WASHC2A: variants seen among roughly 807,000 people sequenced by gnomAD.
The protein encoded by WASHC2A is WASH complex subunit FAM21A.
WASHC2A carries 82 observed loss-of-function variants against 140.3 expected under a neutral mutation model. The observed-to-expected ratio is 0.58, with a 90% CI of 0.49 to 0.70. The LOEUF (loss-of-function observed/expected upper bound fraction) is 0.70. Among genes scored for constraint, WASHC2A ranks in the 30% least tolerant of loss-of-function variants. The probability of loss-of-function intolerance (pLI) is 0.00; values close to 1 mark genes in which losing one functional copy is unlikely to be tolerated. For missense variants in WASHC2A, 985 were observed against 1,521.8 expected (o/e 0.65, Z 5.87); for synonymous variants, 340 against 560.8 (o/e 0.61, Z 5.56).
chr10:50,088,131 A>C (rs1299998341), intron 8 of WASHC2A, among the ~76,000 whole-genome samples: 3 of 151,706 alleles, frequency 2.0e-5, no homozygotes, highest in African/African-American at 7.2e-5. Flanking sequence ...CTTATTTTGA[A>C]TAGCCTTTGC....
Position 50,069,704 on chromosome 10 carries a change from T to C in WASHC2A, c.284T>C (p.Ile95Thr). 6.2e-7 allele frequency: 1 copy of C among 1,612,198 alleles called. No homozygotes were observed. The highest frequency in any genetic ancestry group is 8.5e-7 in the Non-Finnish European group (1 of 1,179,386). Residue 95 changes from isoleucine (I) to threonine (T), a missense_variant, in exon 3 of 31, where the codon ATT (isoleucine) becomes ACT (threonine). Ile to Thr is a moderately conservative substitution (Grantham distance 89). Transcript: ENST00000282633. ...DFLMLSNTQF[I>T]ENRVYDEEVE... ...CTTATGCTCTCTAATACCCAGTTCATTGAGAATGTGAGTTATTTAGTTATA... is the reference window on the plus strand; with the variant it reads ...CTTATGCTCTCTAATACCCAGTTCACTGAGAATGTGAGTTATTTAGTTATA...
At chr10:50,097,908 G>A in intron 16 of WASHC2A, 106 bp downstream of exon 16, 1 of 1,565,128 alleles carries the variant, frequency 6.4e-7, no homozygotes, top group Admixed American at 1.9e-5. Flanking sequence ...TCATATTGAA[G>A]AACTTCAAAC....
rs1217481463 is a variant in WASHC2A at position 50,133,209 on chromosome 10, G to T, written c.*264G>T. 1 of 601,676 alleles carries T rather than the reference G, an allele frequency of 1.7e-6. No individual in the cohort carries two copies. Among genetic ancestry groups the T allele is most frequent in the Non-Finnish European group, 3.0e-6 (1 of 333,562 alleles). The allele number at this position is 601,676 out of a possible 1,614,324, so 37.3% of individuals were successfully genotyped here. ...GTTAGCCTTGCTGGGGCCATAATAT[G>T]CTTCAGGGTGTGTAAAAGAAGAAAT... On this transcript the variant is annotated 3_prime_UTR_variant, in exon 31 of 31. Transcript: ENST00000282633.
At chr10:50,130,497 G>A (rs1035755691) in intron 29 of WASHC2A, among the ~76,000 whole-genome samples, 1 of 152,014 alleles carries the variant, frequency 6.6e-6, no homozygotes, top group African/African-American at 2.4e-5. Flanking sequence ...AGCACCTGGG[G>A]ACTGCAGGCA....
intron 19 of WASHC2A, among the ~76,000 whole-genome samples, chr10:50,108,867 G>A (rs1282709435): frequency 1.1e-5 from 1 of 93,708 alleles, no homozygotes; most frequent in Non-Finnish European, 2.0e-5. Context: ...GGGCCACAGA[G>A]CAAGACTCTG....
chr10:50,088,590 C>T (rs1355228814), intron 8 of WASHC2A, among the ~76,000 whole-genome samples: 1 of 145,038 alleles, frequency 6.9e-6, no homozygotes, highest in East Asian at 2.0e-4. Context: ...TCCTTTGCTT[C>T]GGTGAACTGT....
intron 17 of WASHC2A, among the ~76,000 whole-genome samples, chr10:50,102,406 G>A (rs1412625138): frequency 1.3e-5 from 2 of 152,044 alleles, no homozygotes; most frequent in African/African-American, 4.8e-5. Flanking sequence ...TTAAGGGTCC[G>A]AAACTGTGAT....
intron 28 of WASHC2A, among the ~76,000 whole-genome samples, chr10:50,128,191 C>T (rs1488958138): frequency 1.3e-5 from 2 of 151,508 alleles, no homozygotes; most frequent in African/African-American, 2.4e-5. Flanking sequence ...CCTTTGCAAT[C>T]GGTGCCAGCC....
At chr10:50,069,744 T>C in intron 3 of WASHC2A, 33 bp downstream of exon 3, 2 of 1,598,122 alleles carry the variant, frequency 1.3e-6, no homozygotes, top group Non-Finnish European at 1.7e-6. Flanking sequence ...CATTCCTTTT[T>C]TGGGAGTAGG....
intron 18 of WASHC2A, among the ~76,000 whole-genome samples, chr10:50,105,877 T>A (rs1326185626): frequency 6.7e-6 from 1 of 148,798 alleles, no homozygotes; most frequent in Admixed American, 6.7e-5. Flanking sequence ...CTTTCTGACC[T>A]GTAAAGGAGT....
At chr10:50,086,395 C>T (rs1464690031) in intron 7 of WASHC2A, among the ~76,000 whole-genome samples, 41,946 of 151,120 alleles carry the variant, frequency 0.28, 6,895 homozygotes, top group Middle Eastern at 0.43. Flanking sequence ...AATAGTTGCT[C>T]GTAGCAACTA....
At chr10:50,101,359 T>C (rs1384683742) in intron 17 of WASHC2A, among the ~76,000 whole-genome samples, 2 of 152,422 alleles carry the variant, frequency 1.3e-5, no homozygotes, top group African/African-American at 4.8e-5. Flanking sequence ...GATTTCTCTG[T>C]GAGGCCTCCC....
At chr10:50,129,267 T>C in intron 28 of WASHC2A, 152 bp from the exon 29 acceptor site, 1 of 1,356,486 alleles carries the variant, frequency 7.4e-7, no homozygotes, top group African/African-American at 1.4e-5. Context: ...TGGAAATCAT[T>C]AAGAAATAAC....
chr10:50,077,390 A>G (rs1838461381), intron 3 of WASHC2A, among the ~76,000 whole-genome samples: 1 of 152,208 alleles, frequency 6.6e-6, no homozygotes, highest in Non-Finnish European at 1.5e-5. Flanking sequence ...AAATGAGCAT[A>G]CACACCAGGC....
chr10:50,095,083 G>T, intron 13 of WASHC2A, 65 bp from the exon 14 acceptor site: 1 of 1,598,034 alleles, frequency 6.3e-7, no homozygotes, highest in Non-Finnish European at 8.5e-7. Context: ...ACGTATTTCA[G>T]GAAGAAAATA....
rs1839930723 is a variant in WASHC2A, at chr10:50,091,558, A to G, written c.931+40A>G. On this transcript the variant is annotated intron_variant, in intron 10 of 30. Transcript: ENST00000282633. The stretch of plus-strand genomic sequence containing the variant: ...CGTTGATGGGGAGTAGGGGGGGAGT[A>G]GTGCAGGGCCCTCTGCTGGCTTCAC... The G allele has an allele frequency of 3.9e-6, 6 of 1,549,062 alleles. No individual in the cohort carries two copies. In the African/African-American group the frequency reaches 5.5e-5, roughly 14 times the overall value.
At chr10:50,086,386 A>G (rs1434214349) in intron 7 of WASHC2A, among the ~76,000 whole-genome samples, 4 of 151,856 alleles carry the variant, frequency 2.6e-5, no homozygotes, top group East Asian at 1.9e-4. Flanking sequence ...CACTTCATCA[A>G]TAGTTGCTCG....
Position 50,095,612 on chromosome 10 carries a change from GT to G in WASHC2A, c.1257del (p.Phe419LeufsTer9), listed in dbSNP as rs1840419701. On this transcript the variant is annotated frameshift_variant, in exon 15 of 31. Coordinates refer to ENST00000282633, the MANE Select transcript of WASHC2A (RefSeq NM_001005751.3). LOFTEE classifies it high-confidence loss of function. ...TTCCACCCACAGGAGACACGGATGT[GT>G]TTGGTGCTGCCTCCGTTCCATCAAT... The part of the protein sequence containing the change: ...VSVFLGDTDV[F>X]GAASVPSMKE... 1 of 1,611,848 alleles carries G rather than the reference GT, an allele frequency of 6.2e-7. No homozygotes were observed. Among genetic ancestry groups the G allele is most frequent in the African/African-American group, 1.3e-5 (1 of 74,808 alleles).
At chr10:50,078,953 G>A (rs1331041217) in intron 4 of WASHC2A, among the ~76,000 whole-genome samples, 5,429 of 151,974 alleles carry the variant, frequency 0.036, 328 homozygotes, top group African/African-American at 0.12. Context: ...TATAAGAATA[G>A]AGTAGAAGTC....
Sources: gnomAD v4.1 joint callset for allele counts (sites outside exome capture counted in the v4.1 genomes callset) on GRCh38, gnomAD v4.1.1 for gene constraint, MANE v1.5 for transcripts, NCBI Gene and HGNC (gene_info 2026-07-23, HGNC 2026-07-21) for gene names.